Variants in LAMA2 observed in about 807,000 individuals in gnomAD.
LAMA2 encodes laminin subunit alpha-2.
Under a neutral mutation model 364.8 loss-of-function variants are expected in LAMA2, and 269 were observed. That is an observed-to-expected ratio of 0.74 (90% CI 0.67 to 0.82). The LOEUF is 0.82. LAMA2 is among the 40% of genes least tolerant of loss of function. LAMA2 has a pLI of 0.00. For missense variants in LAMA2, 3,807 were observed against 3,873.2 expected, an observed-to-expected ratio of 0.98 and a Z score of 0.45; for synonymous variants, 1,379 against 1,370.6, an observed-to-expected ratio of 1.01 and a Z score of -0.14.
intron 30 of LAMA2, among the ~76,000 whole-genome samples, 183 bp downstream of exon 30, chr6:129,342,650 T>G (rs1776334446): frequency 6.6e-6 from 1 of 152,160 alleles, no homozygotes; most frequent in Non-Finnish European, 1.5e-5. Context: ...TCATTTTTCC[T>G]TTGAAACTCT....
chr6:129,369,381 G>T (rs1777944862), intron 33 of LAMA2, among the ~76,000 whole-genome samples: 2 of 152,190 alleles, frequency 1.3e-5, no homozygotes, highest in African/African-American at 4.8e-5. Context: ...TGTTAGGCCA[G>T]TTCCTAGCAA....
chr6:129,384,720 C>G (rs1002042863), intron 35 of LAMA2, among the ~76,000 whole-genome samples: 10 of 152,158 alleles, frequency 6.6e-5, no homozygotes, highest in East Asian at 3.9e-4. Context: ...GCTCACCACC[C>G]CAAATCCCAC....
intron 30 of LAMA2, 149 bp downstream of exon 30, chr6:129,342,616 A>G (rs945227110): frequency 2.8e-6 from 2 of 710,156 alleles, no homozygotes; most frequent in Admixed American, 5.9e-5. Flanking sequence ...ACATGACAAA[A>G]GTGAGTATAT....
chr6:128,943,701 T>A (rs1562856046), intron 1 of LAMA2, among the ~76,000 whole-genome samples: 1 of 152,172 alleles, frequency 6.6e-6, no homozygotes, highest in Non-Finnish European at 1.5e-5. Flanking sequence ...CAAAAAGAAA[T>A]CATCAAATGC....
chr6:129,431,159 G>T (rs1002777577), intron 41 of LAMA2, among the ~76,000 whole-genome samples: 7 of 152,036 alleles, frequency 4.6e-5, no homozygotes, highest in African/African-American at 1.7e-4. Flanking sequence ...AACACTTCGG[G>T]AGACCGAGGT....
At chr6:129,135,765 C>G (rs1057373410) in intron 4 of LAMA2, among the ~76,000 whole-genome samples, 4 of 152,100 alleles carry the variant, frequency 2.6e-5, no homozygotes, top group African/African-American at 9.7e-5. Flanking sequence ...CTGTGTATTC[C>G]TATATAGTCT....
chr6:129,332,548 A>G (rs1014074250), intron 29 of LAMA2, among the ~76,000 whole-genome samples: 2 of 152,150 alleles, frequency 1.3e-5, no homozygotes, highest in Non-Finnish European at 2.9e-5. Context: ...TGGAATTTTG[A>G]TTGTAATTAA....
At chr6:129,123,595 C>T (rs1174620503) in intron 4 of LAMA2, among the ~76,000 whole-genome samples, 4 of 151,928 alleles carry the variant, frequency 2.6e-5, no homozygotes, top group African/African-American at 9.7e-5. Context: ...ATGTGGACAA[C>T]ATGAAGGACA....
chr6:129,334,941 GAGAACACAGTTGTTCAGGCCATAGC>G (rs1775863269), intron 29 of LAMA2, among the ~76,000 whole-genome samples: 5 of 152,100 alleles, frequency 3.3e-5, no homozygotes, highest in Non-Finnish European at 7.4e-5. Flanking sequence ...CAAATTTTTG[GAGAACACAGTTGTTCAGGCCATAGC>G]AAGCCTTAAC....
intron 3 of LAMA2, among the ~76,000 whole-genome samples, chr6:129,064,829 C>A (rs190482122): frequency 2.6e-4 from 39 of 152,200 alleles, no homozygotes; most frequent in Non-Finnish European, 4.6e-4. Flanking sequence ...TGAATTCTAC[C>A]AAACATTTAA....
intron 12 of LAMA2, among the ~76,000 whole-genome samples, chr6:129,194,922 G>A (rs1781748448): frequency 6.6e-6 from 1 of 152,136 alleles, no homozygotes; most frequent in Non-Finnish European, 1.5e-5. Context: ...ATTCAATAAA[G>A]CCACTTTTCT....
At chr6:129,174,126 A>AT (rs1562300541) in intron 9 of LAMA2, among the ~76,000 whole-genome samples, 1 of 151,884 alleles carries the variant, frequency 6.6e-6, no homozygotes, top group African/African-American at 2.4e-5. Context: ...ATATATTTTG[A>AT]TTTTTTTGTG....
At chr6:129,504,528 C>T (rs529985579) in intron 60 of LAMA2, among the ~76,000 whole-genome samples, 2 of 152,170 alleles carry the variant, frequency 1.3e-5, no homozygotes, top group African/African-American at 4.8e-5. Context: ...ATTTCACAGG[C>T]TTTCATGCTC....
chr6:129,226,266 G>A (rs1784268081), intron 12 of LAMA2, among the ~76,000 whole-genome samples: 1 of 152,164 alleles, frequency 6.6e-6, no homozygotes, highest in African/African-American at 2.4e-5. Flanking sequence ...ACAGCACACT[G>A]ATGGGTCTTG....
At chr6:129,165,769 A>G in intron 9 of LAMA2, 94 bp downstream of exon 9, 3 of 792,312 alleles carry the variant, frequency 3.8e-6, no homozygotes, top group Non-Finnish European at 6.6e-6. Flanking sequence ...AGTAAATGTT[A>G]TTCATGTAAT....
intron 63 of LAMA2, among the ~76,000 whole-genome samples, chr6:129,512,966 G>A (rs937992084): frequency 6.6e-6 from 1 of 152,104 alleles, no homozygotes; most frequent in African/African-American, 2.4e-5. Context: ...AAAGCATCCA[G>A]CTACCATTTC....
intron 1 of LAMA2, among the ~76,000 whole-genome samples, chr6:128,969,049 A>C (rs1782027257): frequency 6.6e-6 from 1 of 152,166 alleles, no homozygotes; most frequent in Non-Finnish European, 1.5e-5. Flanking sequence ...GCAGGAGACC[A>C]CTACAGCTTC....
In LAMA2 at chr6:129,313,023, A is replaced by ACAGATGCC. The variant is rs2114494398; in HGVS notation, c.3338_3345dup (p.Thr1116GlnfsTer26). On this transcript the variant is annotated frameshift_variant, in exon 23 of 65. Coordinates refer to ENST00000421865, the MANE Select transcript of LAMA2 (RefSeq NM_000426.4). LOFTEE classifies it high-confidence loss of function. ...TCTCTGTGACTGCTTCCTCCCTGGG[A>ACAGATGCC]CAGATGCCACAACCTGTGATTCAGA... The ACAGATGCC allele has an allele frequency of 6.2e-7, 1 of 1,614,192 alleles. No homozygotes were observed. Among genetic ancestry groups the ACAGATGCC allele is most frequent in the Non-Finnish European group, 8.5e-7 (1 of 1,180,022 alleles).
intron 14 of LAMA2, among the ~76,000 whole-genome samples, chr6:129,254,215 G>A (rs1786471548): frequency 6.6e-6 from 1 of 152,154 alleles, no homozygotes; most frequent in African/African-American, 2.4e-5. Flanking sequence ...TACTTCCATG[G>A]CAGTTCTTTC....
Sources: gnomAD v4.1 joint callset for allele counts (sites outside exome capture counted in the v4.1 genomes callset) on GRCh38, gnomAD v4.1.1 for gene constraint, MANE v1.5 for transcripts, NCBI Gene and HGNC (gene_info 2026-07-23, HGNC 2026-07-21) for gene names.